The following ANKRD12 variants were observed in gnomAD, a reference collection of about 807,000 sequenced individuals.
ANKRD12 encodes the protein ankyrin repeat domain 12.
ANKRD12 carries 85 observed loss-of-function variants against 183.4 expected under a neutral mutation model. That is an observed-to-expected ratio of 0.46 (90% CI 0.39 to 0.56). The LOEUF is 0.56. Ranked by LOEUF, ANKRD12 falls within the 20% of genes least tolerant of loss-of-function variation. The pLI is 0.00. For synonymous variants in ANKRD12, 914 were observed against 800.2 expected (o/e 1.14, Z -2.40); for missense variants, 2,405 against 2,357.1 (o/e 1.02, Z -0.42).
chr18:9,183,093 A>G (rs991938859), intron 2 of ANKRD12, among the ~76,000 whole-genome samples: 5 of 152,172 alleles, frequency 3.3e-5, no homozygotes, highest in Non-Finnish European at 7.3e-5. Flanking sequence ...ATCATTGTGG[A>G]AAGGTCTTTG....
intron 2 of ANKRD12, among the ~76,000 whole-genome samples, chr18:9,189,641 G>T (rs913601019): frequency 6.6e-6 from 1 of 152,196 alleles, no homozygotes; most frequent in African/African-American, 2.4e-5. Context: ...TTGCAAAAAC[G>T]CCAAGACCCA....
At chr18:9,272,736 T>C (rs1319989006) in intron 10 of ANKRD12, among the ~76,000 whole-genome samples, 1 of 152,242 alleles carries the variant, frequency 6.6e-6, no homozygotes, top group East Asian at 1.9e-4. Flanking sequence ...AGTTGCACTT[T>C]AAATTGTACT....
At chr18:9,210,580 G>A (rs1326098321) in intron 5 of ANKRD12, among the ~76,000 whole-genome samples, 4 of 151,830 alleles carry the variant, frequency 2.6e-5, no homozygotes, top group South Asian at 2.1e-4. Context: ...AAATCAGCCG[G>A]GCATGGTGGC....
At chr18:9,141,727 A>G (rs1387194478) in intron 1 of ANKRD12, among the ~76,000 whole-genome samples, 2 of 152,212 alleles carry the variant, frequency 1.3e-5, no homozygotes, top group African/African-American at 2.4e-5. Context: ...AATTGTTTCA[A>G]AATATGTAAT....
intron 10 of ANKRD12, among the ~76,000 whole-genome samples, chr18:9,268,859 A>G (rs1330705837): frequency 2.6e-5 from 4 of 152,334 alleles, no homozygotes; most frequent in South Asian, 4.1e-4. Flanking sequence ...ACATGATTGT[A>G]TATCTAGAAA....
intron 10 of ANKRD12, among the ~76,000 whole-genome samples, chr18:9,270,867 T>A (rs2039565580): frequency 6.6e-6 from 1 of 152,236 alleles, no homozygotes. Flanking sequence ...TTTAGAATTG[T>A]ATAATACTTG....
Position 9,282,901 on chromosome 18 carries a change from A to C in ANKRD12, c.*1775A>C, listed in dbSNP as rs1235069524. The stretch of plus-strand genomic sequence containing the variant: ...GCAAGGACTTTATTATAAAGGTTGG[A>C]TGTAGTTTTCCTTAGAAATTTAGGT... On this transcript the variant is annotated 3_prime_UTR_variant, in exon 13 of 13. Transcript: ENST00000262126. 1.3e-5 allele frequency: 2 copies of C among 152,438 alleles called. No individual in the cohort carries two copies. Among genetic ancestry groups the C allele is most frequent in the Non-Finnish European group, 2.9e-5 (2 of 67,976 alleles). The allele number at this position is 152,438 out of a possible 1,614,324, so 9.4% of individuals were successfully genotyped here. A position where few individuals can be genotyped will look rare whatever the true frequency, so the allele number is the denominator to read the frequency against.
chr18:9,200,019 G>A (rs1567908010), intron 3 of ANKRD12, among the ~76,000 whole-genome samples: 1 of 152,158 alleles, frequency 6.6e-6, no homozygotes, highest in Non-Finnish European at 1.5e-5. Context: ...GGTATTCATA[G>A]CATTGTCCAA....
chr18:9,168,284 A>G (rs1007615810), intron 1 of ANKRD12, among the ~76,000 whole-genome samples: 2 of 152,224 alleles, frequency 1.3e-5, no homozygotes, highest in Admixed American at 1.3e-4. Context: ...GAATAATTTC[A>G]GAAGGATTGG....
chr18:9,200,285 A>G (rs919597402), intron 3 of ANKRD12, among the ~76,000 whole-genome samples: 8 of 152,194 alleles, frequency 5.3e-5, no homozygotes, highest in African/African-American at 9.6e-5. Flanking sequence ...TCGTAGTACT[A>G]TATTTATTCT....
chr18:9,248,443 A>G (rs2038092712), intron 8 of ANKRD12, among the ~76,000 whole-genome samples: 1 of 152,234 alleles, frequency 6.6e-6, no homozygotes, highest in Non-Finnish European at 1.5e-5. Flanking sequence ...GTCTCAATCT[A>G]AGTGAAATAA....
At chr18:9,163,165 A>G (rs1409516323) in intron 1 of ANKRD12, among the ~76,000 whole-genome samples, 1 of 152,070 alleles carries the variant, frequency 6.6e-6, no homozygotes, top group African/African-American at 2.4e-5. Context: ...TAGGATTTTT[A>G]TAGTTTTGGG....
At chr18:9,149,791 A>ATTT (rs776328260) in intron 1 of ANKRD12, among the ~76,000 whole-genome samples, 107,867 of 146,250 alleles carry the variant, frequency 0.74, 40,173 homozygotes, top group Middle Eastern at 0.85. Flanking sequence ...TTTATTTATT[A>ATTT]AATTTTATTT....
intron 1 of ANKRD12, among the ~76,000 whole-genome samples, chr18:9,150,246 AT>A (rs2078641865): frequency 6.6e-6 from 1 of 151,964 alleles, no homozygotes; most frequent in Non-Finnish European, 1.5e-5. Context: ...CCTATTCTGG[AT>A]TTAGAGTTAG....
At chr18:9,250,046 A>G (rs1055755045) in intron 8 of ANKRD12, 1 of 152,174 alleles carries the variant, frequency 6.6e-6, no homozygotes, top group African/African-American at 2.4e-5. Flanking sequence ...GGATAATAAC[A>G]CCTGTTGTAA....
intron 1 of ANKRD12, among the ~76,000 whole-genome samples, chr18:9,157,559 GTGTGT>G (rs1568231172): frequency 3.7e-5 from 4 of 107,082 alleles, no homozygotes; most frequent in African/African-American, 4.9e-5. Context: ...GGGTGTGTGT[GTGTGT>G]GTGTGTGTGT....
chr18:9,257,840 A>C lies in ANKRD12; in HGVS notation c.4573A>C (p.Lys1525Gln), dbSNP rs759076871. Residue 1525 changes from lysine to glutamine, a missense_variant, in exon 9 of 13, where the codon AAA becomes CAA. Lys to Gln is a moderately conservative substitution (Grantham distance 53). Transcript: ENST00000262126. Reference sequence around the variant, plus strand: ...TCAAGAGCCAGGTATTTTACAACAAAAAAATGCAGTTCAGATTATTAGTTC... The same window carrying C: ...TCAAGAGCCAGGTATTTTACAACAACAAAATGCAGTTCAGATTATTAGTTC... ...ANQEPGILQQ[K>Q]NAVQIISSAL... 18 of 1,613,614 alleles carry C rather than the reference A, an allele frequency of 1.1e-5. No individual in the cohort carries two copies. In the African/African-American group the frequency reaches 2.4e-4, roughly 22 times the overall value.
At chr18:9,192,552 A>G (rs755514674) in intron 2 of ANKRD12, among the ~76,000 whole-genome samples, 34 of 152,132 alleles carry the variant, frequency 2.2e-4, no homozygotes, top group Non-Finnish European at 4.7e-4. Flanking sequence ...TGAATTGGGT[A>G]ACTTCTAATC....
chr18:9,255,941 G>T lies in ANKRD12; in HGVS notation c.2674G>T (p.Ala892Ser), dbSNP rs568282731. Residue 892 changes from alanine to serine, a missense_variant, in exon 9 of 13, where the codon GCT (alanine) becomes TCT (serine). Transcript: ENST00000262126. ...AGAAGGTGAGAAGAGCAAAAATACTGCTGCTATTAAAAAAACTGACGACAG... is the reference window on the plus strand; with the variant it reads ...AGAAGGTGAGAAGAGCAAAAATACTTCTGCTATTAAAAAAACTGACGACAG... ...HKEGEKSKNT[A>S]AIKKTDDREK... 1.1e-5 allele frequency: 18 copies of T among 1,583,110 alleles called. No individual in the cohort carries two copies. Among genetic ancestry groups the T allele is most frequent in the Admixed American group, 3.9e-5 (2 of 51,678 alleles).
Sources: gnomAD v4.1 joint callset for allele counts (sites outside exome capture counted in the v4.1 genomes callset) on GRCh38, gnomAD v4.1.1 for gene constraint, MANE v1.5 for transcripts, NCBI Gene and HGNC (gene_info 2026-07-23, HGNC 2026-07-21) for gene names.